The following RPS6KA1 variants were observed in gnomAD, a reference collection of about 807,000 sequenced individuals.
RPS6KA1 encodes the protein ribosomal protein S6 kinase alpha-1.
A neutral mutation model predicts 91.3 loss-of-function variants in RPS6KA1; 48 were observed. The ratio of observed to expected loss-of-function variants is 0.53; its 90% confidence interval spans 0.42 to 0.67. The LOEUF (loss-of-function observed/expected upper bound fraction) is 0.67. RPS6KA1 is among the 30% of genes least tolerant of loss of function. The pLI is 0.00. For synonymous variants in RPS6KA1, 359 were observed against 384.7 expected (o/e 0.93, Z 0.78); for missense variants, 719 against 960.5 (o/e 0.75, Z 3.32).
intron 13 of RPS6KA1, among the ~76,000 whole-genome samples, chr1:26,557,915 A>C: frequency 6.8e-6 from 1 of 147,818 alleles, no homozygotes; most frequent in Admixed American, 6.8e-5. Flanking sequence ...TGCAACCTCC[A>C]CCTCCTGGGT....
At chr1:26,556,177 G>A (rs1420891257) in intron 11 of RPS6KA1, 2 of 204,690 alleles carry the variant, frequency 9.8e-6, no homozygotes, top group African/African-American at 2.3e-5. Flanking sequence ...GGTGTCCAGT[G>A]TGTGCTGGCT....
rs531518613 is a variant in RPS6KA1 at position 26,557,241 on chromosome 1, C to T, written c.1084+141C>T. On this transcript the variant is annotated intron_variant, in intron 13 of 21. Transcript: ENST00000374168. ...TGGGCAGGCGGGTGAGTTTCTGGCT[C>T]CGTGGGACTGACTTTGTCCCTGTCT... 1.2e-4 allele frequency: 78 copies of T among 646,952 alleles called. 1 individual carries two copies. Among genetic ancestry groups the T allele is most frequent in the Middle Eastern group, 3.2e-4 (1 of 3,156 alleles). 40.1% of individuals were successfully genotyped at this position (646,952 alleles called of 1,614,324 possible).
chr1:26,560,902 C>T lies in RPS6KA1; in HGVS notation c.1341+51C>T, dbSNP rs752324665. The T allele has an allele frequency of 2.5e-6, 4 of 1,612,708 alleles. No homozygotes were observed. The East Asian group carries it at 8.9e-5, about 36-fold the overall frequency. ...CAAGGCTGCTGGGTTGGGGGCAGGT[C>T]CCCGTCTGGTGGGGAGGGATGGTGC... On this transcript the variant is annotated intron_variant, in intron 15 of 21. Coordinates refer to ENST00000374168, the MANE Select transcript of RPS6KA1 (RefSeq NM_002953.4).
Position 26,555,354 on chromosome 1 carries a change from A to T in RPS6KA1, c.827+133A>T. 9.5e-7 allele frequency: 1 copy of T among 1,048,040 alleles called. No homozygotes were observed. The highest frequency in any genetic ancestry group is 1.4e-6 in the Non-Finnish European group (1 of 706,192). The allele number at this position is 1,048,040 out of a possible 1,614,324, so 64.9% of individuals were successfully genotyped here. On this transcript the variant is annotated intron_variant, in intron 10 of 21. Coordinates refer to ENST00000374168, the MANE Select transcript of RPS6KA1 (RefSeq NM_002953.4). The surrounding 1 kb of genome is among the most constrained non-coding windows in gnomAD (Gnocchi z 4.3). ...GAGACTCTCCTCTGGGTTAAACATT[A>T]TACCTTCCAGAGCCCCTCTTTCATC... is the stretch of plus-strand genomic sequence containing the variant.
chr1:26,572,072 C>G (rs2076253981), intron 19 of RPS6KA1, 104 bp from the exon 20 acceptor site: 1 of 1,306,274 alleles, frequency 7.7e-7, no homozygotes, highest in Non-Finnish European at 1.1e-6. Context: ...GGAGCTCTAC[C>G]TTGGGAGTAC....
At chr1:26,546,006 G>T (rs2075991853) in intron 2 of RPS6KA1, 1 of 1,611,952 alleles carries the variant, frequency 6.2e-7, no homozygotes, top group East Asian at 2.2e-5. Context: ...GCCTGTCCCT[G>T]GCCCTGGCTC....
chr1:26,572,432 G>A (rs1361523283), intron 20 of RPS6KA1, 139 bp downstream of exon 20: 20 of 644,510 alleles, frequency 3.1e-5, no homozygotes, highest in Admixed American at 9.4e-5. Context: ...TTCTCCAAGC[G>A]GAAGATTCCC....
rs1015541540 is a variant in RPS6KA1 at position 26,547,334 on chromosome 1, A to G, written c.307+64A>G. 4.9e-5 allele frequency: 68 copies of G among 1,400,650 alleles called. No homozygotes were observed. Among genetic ancestry groups the G allele is most frequent in the Non-Finnish European group, 6.1e-5 (61 of 1,000,806 alleles). The allele number at this position is 1,400,650 out of a possible 1,614,324, so 86.8% of individuals were successfully genotyped here. ...GCTGAGGGAGGCAGCCCAGACTTCA[A>G]GGGCCTTGGGTCTGGCAAGGGAGAC... On this transcript the variant is annotated intron_variant, in intron 4 of 21. Coordinates refer to ENST00000374168, the MANE Select transcript of RPS6KA1 (RefSeq NM_002953.4). The surrounding 1 kb of genome is among the most constrained non-coding windows in gnomAD (Gnocchi z 4.1).
At position 26,571,369 on chromosome 1, in the gene RPS6KA1, G is replaced by C. The variant is rs990160394; in HGVS notation, c.1591-80G>C. On this transcript the variant is annotated intron_variant, in intron 17 of 21. Transcript: ENST00000374168. The surrounding 1 kb of genome is among the most constrained non-coding windows in gnomAD (Gnocchi z 5.1). ...CGTCCCTCTGCACCCTGTCTGTGTAGCTTTCTAATCTCTGGCCGCTGACCT... is the reference window on the plus strand; with the variant it reads ...CGTCCCTCTGCACCCTGTCTGTGTACCTTTCTAATCTCTGGCCGCTGACCT... 3 of 1,405,900 alleles carry C rather than the reference G, an allele frequency of 2.1e-6. No individual in the cohort carries two copies. The highest frequency in any genetic ancestry group is 3.0e-6 in the Non-Finnish European group (3 of 1,002,692). 87.1% of individuals were successfully genotyped at this position (1,405,900 alleles called of 1,614,324 possible). A position where few individuals can be genotyped will look rare whatever the true frequency, so the allele number is the denominator to read the frequency against.
chr1:26,547,032 G>C lies in RPS6KA1; in HGVS notation c.225+49G>C. 1.3e-6 allele frequency: 2 copies of C among 1,572,428 alleles called. No homozygotes were observed. The highest frequency in any genetic ancestry group is 8.8e-7 in the Non-Finnish European group (1 of 1,142,572). On this transcript the variant is annotated intron_variant, in intron 3 of 21. Coordinates refer to ENST00000374168, the MANE Select transcript of RPS6KA1 (RefSeq NM_002953.4). The surrounding 1 kb of genome is among the most constrained non-coding windows in gnomAD (Gnocchi z 4.1). ...GAAGGCAACACTCGTCATGTTAGAG[G>C]TGGGGGTCAAGGGTCACCTAGGGGC... is the stretch of plus-strand genomic sequence containing the variant.
intron 20 of RPS6KA1, among the ~76,000 whole-genome samples, chr1:26,572,626 T>C (rs1227925439): frequency 6.6e-6 from 1 of 152,056 alleles, no homozygotes; most frequent in Non-Finnish European, 1.5e-5. Context: ...GAGGCACAGA[T>C]AGGCGGACGC....
At chr1:26,549,024 A>G (rs887690630) in intron 4 of RPS6KA1, among the ~76,000 whole-genome samples, 4 of 151,226 alleles carry the variant, frequency 2.6e-5, no homozygotes, top group Admixed American at 1.3e-4. Flanking sequence ...CCGGAAAGAC[A>G]TGCAGGAGGA....
chr1:26,530,506 T>C (rs2075859906), intron 1 of RPS6KA1, among the ~76,000 whole-genome samples: 1 of 152,210 alleles, frequency 6.6e-6, no homozygotes, highest in Non-Finnish European at 1.5e-5. Context: ...CTGGAACTCC[T>C]GGTTTTCTTT....
intron 4 of RPS6KA1, among the ~76,000 whole-genome samples, chr1:26,548,531 C>T (rs1026250725): frequency 1.3e-5 from 2 of 152,158 alleles, no homozygotes; most frequent in Non-Finnish European, 1.5e-5. Flanking sequence ...GGTGCTGTGG[C>T]TCATACCTGT....
chr1:26,548,309 G>A (rs892212714), intron 4 of RPS6KA1, among the ~76,000 whole-genome samples: 3 of 151,982 alleles, frequency 2.0e-5, no homozygotes, highest in Non-Finnish European at 4.4e-5. Context: ...ACTGGTGTGC[G>A]TGGATATCCG....
chr1:26,560,740 G>A lies in RPS6KA1; in HGVS notation c.1230G>A (p.Lys410=). The stretch of plus-strand genomic sequence containing the variant: ...GTCTCCTACAGCAACTCCATGGGAA[G>A]AACCTGGTTTTTAGTGACGGCTACG... The part of the protein sequence containing the change: ...LHSVVQQLHG[K]NLVFSDGYVV... The change falls in exon 15 of 22, where the codon AAG becomes AAA. Residue 410 remains lysine (K), a synonymous_variant. Transcript: ENST00000374168. 1 of 1,614,214 alleles carries A rather than the reference G, an allele frequency of 6.2e-7. No homozygotes were observed. The highest frequency in any genetic ancestry group is 1.1e-5 in the South Asian group (1 of 91,082).
intron 2 of RPS6KA1, among the ~76,000 whole-genome samples, chr1:26,542,010 C>A (rs1012123313): frequency 6.6e-6 from 1 of 152,196 alleles, no homozygotes; most frequent in Non-Finnish European, 1.5e-5. Context: ...TCCCCCCGCC[C>A]GCCACCAGAG....
rs1221885435 is a variant in RPS6KA1, at chr1:26,573,210, C to T, written c.1948-14C>T. 3.7e-6 allele frequency: 6 copies of T among 1,613,446 alleles called. No individual in the cohort carries two copies. The highest frequency in any genetic ancestry group is 1.7e-5 in the Admixed American group (1 of 60,008). On this transcript the variant is annotated splice_polypyrimidine_tract_variant and intron_variant, in intron 20 of 21. Coordinates refer to ENST00000374168, the MANE Select transcript of RPS6KA1 (RefSeq NM_002953.4). ...GCAGCCCTCCCCCAACCCCCTTGCC[C>T]ACTGTGTCCCCAGGACCTGGTGTCC... is the stretch of plus-strand genomic sequence containing the variant.
At chr1:26,537,585 G>A (rs1010017533) in intron 2 of RPS6KA1, among the ~76,000 whole-genome samples, 16 of 152,240 alleles carry the variant, frequency 1.1e-4, no homozygotes, top group African/African-American at 3.6e-4. Flanking sequence ...GGTGACAGTG[G>A]TGTGACCTTG....
Sources: gnomAD v4.1 joint callset for allele counts (sites outside exome capture counted in the v4.1 genomes callset) on GRCh38, gnomAD v4.1.1 for gene constraint, Gnocchi (gnomAD v3.1) non-coding constraint, MANE v1.5 for transcripts, NCBI Gene and HGNC (gene_info 2026-07-23, HGNC 2026-07-21) for gene names.